Variants in C12orf42 observed in about 807,000 individuals in gnomAD.
C12orf42 encodes the protein uncharacterized protein C12orf42.
C12orf42 carries 25 observed loss-of-function variants against 21.6 expected under a neutral mutation model. The observed-to-expected ratio is 1.16, with a 90% CI of 0.84 to 1.62. C12orf42 has a LOEUF of 1.62. Ranked by LOEUF, C12orf42 falls within the 40% of genes most tolerant of loss-of-function variation. The pLI, the probability that C12orf42 is intolerant of heterozygous loss-of-function variation, is 0.00. For synonymous variants in C12orf42, 174 were observed against 175.0 expected (o/e 0.99, Z 0.05); for missense variants, 483 against 459.3 (o/e 1.05, Z -0.47).
chr12:103,441,568 CA>C (rs1247901519), intron 2 of C12orf42: 1 of 152,204 alleles, frequency 6.6e-6, no homozygotes. Context: ...CAATGAGCAG[CA>C]CCTAATGGAG....
the C12orf42 span, among the ~76,000 whole-genome samples, chr12:103,052,988 C>T: frequency 0.023 from 3,428 of 151,984 alleles, 58 homozygotes; most frequent in African/African-American, 0.044. Context: ...TAGACTCTAT[C>T]CCCTTTATCT....
At chr12:103,218,942 G>A in the C12orf42 span, among the ~76,000 whole-genome samples, 5 of 152,182 alleles carry the variant, frequency 3.3e-5, no homozygotes, top group Admixed American at 2.6e-4. Context: ...TCCCTCAGGT[G>A]TCTACACCAC....
At chr12:103,114,716 C>T in the C12orf42 span, among the ~76,000 whole-genome samples, 1 of 152,178 alleles carries the variant, frequency 6.6e-6, no homozygotes, top group Non-Finnish European at 1.5e-5. Flanking sequence ...TATTATTAAT[C>T]CATGACAAAT....
chr12:103,224,072 A>G, the C12orf42 span, among the ~76,000 whole-genome samples: 24 of 152,132 alleles, frequency 1.6e-4, no homozygotes, highest in Non-Finnish European at 2.4e-4. Flanking sequence ...GACAGAACGG[A>G]AGAAATGACT....
At chr12:103,067,786 T>C in the C12orf42 span, among the ~76,000 whole-genome samples, 1 of 152,194 alleles carries the variant, frequency 6.6e-6, no homozygotes, top group African/African-American at 2.4e-5. Context: ...ACCTGGACAC[T>C]TTGGGCTCTC....
chr12:103,224,809 G>GT, the C12orf42 span, among the ~76,000 whole-genome samples: 1 of 152,192 alleles, frequency 6.6e-6, no homozygotes, highest in African/African-American at 2.4e-5. Context: ...AGGTCAAGTT[G>GT]TTTGCACAGA....
chr12:103,131,080 C>G, the C12orf42 span, among the ~76,000 whole-genome samples: 1 of 152,112 alleles, frequency 6.6e-6, no homozygotes, highest in Non-Finnish European at 1.5e-5. Context: ...TTCCAGCTGC[C>G]TACATGGGTA....
At chr12:103,048,964 C>G in the C12orf42 span, among the ~76,000 whole-genome samples, 1 of 152,182 alleles carries the variant, frequency 6.6e-6, no homozygotes. Flanking sequence ...ATCCAGTGCT[C>G]AGTCACCCAT....
At chr12:103,410,423 A>G (rs1332120230) in intron 2 of C12orf42, among the ~76,000 whole-genome samples, 13 of 152,186 alleles carry the variant, frequency 8.5e-5, no homozygotes, top group Admixed American at 6.5e-4. Flanking sequence ...TCCAATTTGT[A>G]TGCTTTCTCC....
At chr12:103,419,928 C>T (rs10467022) in intron 2 of C12orf42, among the ~76,000 whole-genome samples, 136,571 of 152,204 alleles carry the variant, frequency 0.9, 61,444 homozygotes, top group African/African-American at 0.96. Context: ...AAAAATTCCA[C>T]AACTGTGATT....
the C12orf42 span, among the ~76,000 whole-genome samples, chr12:103,199,172 A>G: frequency 6.6e-6 from 1 of 152,204 alleles, no homozygotes; most frequent in Non-Finnish European, 1.5e-5. Flanking sequence ...TATATGGTCA[A>G]CTGATGTTTC....
intron 3 of C12orf42, among the ~76,000 whole-genome samples, chr12:103,400,078 A>G (rs909120008): frequency 3.9e-5 from 6 of 152,190 alleles, no homozygotes; most frequent in Non-Finnish European, 5.9e-5. Flanking sequence ...TCCTATTTCT[A>G]TAATTCCTCC....
chr12:103,047,810 G>T, the C12orf42 span, among the ~76,000 whole-genome samples: 1 of 152,128 alleles, frequency 6.6e-6, no homozygotes, highest in Non-Finnish European at 1.5e-5. Context: ...TCATTCCCAT[G>T]GTCTGTAATC....
At chr12:103,311,151 C>G (rs192351829) in intron 4 of C12orf42, among the ~76,000 whole-genome samples, 20 of 152,126 alleles carry the variant, frequency 1.3e-4, no homozygotes, top group African/African-American at 4.6e-4. Context: ...GAAGAGAAAG[C>G]AACTGTGTAT....
At chr12:103,534,277 C>T in the C12orf42 span, among the ~76,000 whole-genome samples, 1 of 152,168 alleles carries the variant, frequency 6.6e-6, no homozygotes, top group Non-Finnish European at 1.5e-5. Flanking sequence ...TCTTCTGAGG[C>T]TCACATGCTT....
At chr12:103,316,826 A>AT (rs992303140) in intron 4 of C12orf42, among the ~76,000 whole-genome samples, 11 of 151,914 alleles carry the variant, frequency 7.2e-5, no homozygotes, top group African/African-American at 2.7e-4. Flanking sequence ...AAAAAAAAAA[A>AT]GAATGAATGA....
At chr12:103,123,228 T>C in the C12orf42 span, among the ~76,000 whole-genome samples, 1 of 152,042 alleles carries the variant, frequency 6.6e-6, no homozygotes, top group Non-Finnish European at 1.5e-5. Flanking sequence ...AGTGAAGAGG[T>C]TACCTAAGGA....
chr12:103,467,863 G>A (rs1283437059), intron 2 of C12orf42, among the ~76,000 whole-genome samples: 3 of 152,182 alleles, frequency 2.0e-5, no homozygotes, highest in Admixed American at 6.5e-5. Context: ...CCATTTGGGG[G>A]TGGGAGGGCT....
the C12orf42 span, among the ~76,000 whole-genome samples, chr12:103,058,743 C>T: frequency 1.3e-5 from 2 of 152,134 alleles, no homozygotes; most frequent in African/African-American, 4.8e-5. Context: ...GGGTAAATAA[C>T]GAAATTAAGG....
Sources: allele counts gnomAD v4.1 joint callset (sites outside exome capture counted in the v4.1 genomes callset), GRCh38; gene constraint gnomAD v4.1.1; transcripts MANE v1.5; gene names NCBI Gene and HGNC (gene_info 2026-07-23, HGNC 2026-07-21).